The following TAFA1 variants were observed in gnomAD, a reference collection of about 807,000 sequenced individuals.
TAFA1 encodes chemokine-like protein TAFA-1.
TAFA1 carries 4 observed loss-of-function variants against 18.5 expected under a neutral mutation model. That is an observed-to-expected ratio of 0.22 (90% confidence interval 0.11 to 0.49). The LOEUF is 0.49. Ranked by LOEUF, TAFA1 falls within the 20% of genes least tolerant of loss-of-function variation. The probability of loss-of-function intolerance (pLI) is 0.98; values close to 1 mark genes in which losing one functional copy is unlikely to be tolerated. For missense variants in TAFA1, 147 were observed against 169.0 expected (o/e 0.87, Z 0.72); for synonymous variants, 56 against 55.2 (o/e 1.01, Z -0.06).
At chr3:68,428,177 G>C (rs917508705) in intron 3 of TAFA1, among the ~76,000 whole-genome samples, 2 of 151,916 alleles carry the variant, frequency 1.3e-5, no homozygotes, top group African/African-American at 4.8e-5. Flanking sequence ...GTTGAGAGCA[G>C]AGGGAGAGGA....
rs376453387 is a variant in TAFA1, at chr3:68,020,908, G to A, written c.118+14164G>A. Among the ~76,000 whole-genome samples, 31 of 152,012 alleles carry A rather than the reference G, an allele frequency of 2.0e-4. No individual in the cohort carries two copies. The East Asian group carries it at 2.7e-3, about 13-fold the overall frequency. On this transcript the variant is annotated intron_variant, in intron 2 of 4. Coordinates refer to ENST00000478136, the MANE Select transcript of TAFA1 (RefSeq NM_213609.4). The stretch of plus-strand genomic sequence containing the variant: ...TTAAGAAGTTTAGTGGTGTCTGACC[G>A]GGAGCAGTGGCTCACACCTGTAATC...
At chr3:68,280,641 G>A (rs567180455) in intron 2 of TAFA1, among the ~76,000 whole-genome samples, 23 of 152,064 alleles carry the variant, frequency 1.5e-4, no homozygotes, top group Admixed American at 1.5e-3. Context: ...CTTCTGCACA[G>A]TGGGATGATT....
chr3:68,372,830 A>G (rs985773486), intron 2 of TAFA1, among the ~76,000 whole-genome samples: 1 of 152,236 alleles, frequency 6.6e-6, no homozygotes, highest in Non-Finnish European at 1.5e-5. Flanking sequence ...GAAAGCCACT[A>G]AAGAATAGCC....
At chr3:68,503,267 C>G (rs542082321) in intron 3 of TAFA1, among the ~76,000 whole-genome samples, 2 of 152,218 alleles carry the variant, frequency 1.3e-5, no homozygotes, top group African/African-American at 4.8e-5. Context: ...GGATTTAGGT[C>G]CCATCCCCAC....
chr3:68,153,402 G>C (rs1397302436), intron 2 of TAFA1, among the ~76,000 whole-genome samples: 1 of 152,104 alleles, frequency 6.6e-6, no homozygotes, highest in Non-Finnish European at 1.5e-5. Flanking sequence ...AGAGCTCTGA[G>C]GTCATGATTA....
intron 3 of TAFA1, among the ~76,000 whole-genome samples, chr3:68,474,144 G>A (rs532239795): frequency 2.0e-5 from 3 of 150,192 alleles, no homozygotes; most frequent in African/African-American, 7.4e-5. Flanking sequence ...CAGAACTGTT[G>A]TCTAACATCA....
chr3:68,199,288 T>C (rs1459473059), intron 2 of TAFA1, among the ~76,000 whole-genome samples: 3 of 151,572 alleles, frequency 2.0e-5, no homozygotes, highest in Non-Finnish European at 4.4e-5. Context: ...TGAAAGCAGA[T>C]AGTGTCAGTC....
intron 2 of TAFA1, among the ~76,000 whole-genome samples, chr3:68,051,727 G>A (rs1351728975): frequency 6.6e-6 from 1 of 151,998 alleles, no homozygotes; most frequent in African/African-American, 2.4e-5. Flanking sequence ...TGATTTCTCT[G>A]ACTCACAGGC....
At chr3:68,418,310 G>T (rs1398129267) in intron 3 of TAFA1, among the ~76,000 whole-genome samples, 1 of 152,030 alleles carries the variant, frequency 6.6e-6, no homozygotes, top group Admixed American at 6.6e-5. Context: ...TACAGTCAAA[G>T]GGGAGTTGTT....
intron 2 of TAFA1, among the ~76,000 whole-genome samples, chr3:68,212,816 C>T (rs950544566): frequency 1.3e-5 from 2 of 151,888 alleles, no homozygotes; most frequent in African/African-American, 4.8e-5. Context: ...ATTATTCATC[C>T]CTGACCCATG....
chr3:68,244,370 G>T (rs763267517), intron 2 of TAFA1, among the ~76,000 whole-genome samples: 49 of 151,758 alleles, frequency 3.2e-4, no homozygotes, highest in Non-Finnish European at 6.2e-4. Flanking sequence ...TTTTTCTAGA[G>T]ATTTTAGTGT....
At chr3:68,035,991 T>A (rs1172198658) in intron 2 of TAFA1, among the ~76,000 whole-genome samples, 2 of 152,172 alleles carry the variant, frequency 1.3e-5, no homozygotes, top group Admixed American at 6.6e-5. Context: ...ATTAGTGGTG[T>A]CCAGGGGCTA....
intron 2 of TAFA1, among the ~76,000 whole-genome samples, chr3:68,024,834 A>ACACAC (rs33967574): frequency 0.11 from 14,951 of 139,154 alleles, 938 homozygotes; most frequent in South Asian, 0.26. Flanking sequence ...CACACACACA[A>ACACAC]TTATACATTG....
In TAFA1 at chr3:68,188,962, A is replaced by G. The variant is rs977550432; in HGVS notation, c.118+182218A>G. Reference sequence around the variant, plus strand: ...GACTTGTGACCATGCTTGTGTCTTCATAGGTCCAGACTGGTCAGCAGTTTT... The same window carrying G: ...GACTTGTGACCATGCTTGTGTCTTCGTAGGTCCAGACTGGTCAGCAGTTTT... On this transcript the variant is annotated intron_variant, in intron 2 of 4. Coordinates refer to ENST00000478136, the MANE Select transcript of TAFA1 (RefSeq NM_213609.4). Among the ~76,000 whole-genome samples the G allele has an allele frequency of 5.9e-5, 9 of 151,970 alleles. No individual in the cohort carries two copies. The South Asian group carries it at 1.2e-3, about 21-fold the overall frequency.
chr3:68,187,091 C>A (rs2066280523), intron 2 of TAFA1, among the ~76,000 whole-genome samples: 1 of 151,882 alleles, frequency 6.6e-6, no homozygotes, highest in Admixed American at 6.6e-5. Context: ...ATAATGAAAC[C>A]TTGAATTCTG....
intron 2 of TAFA1, among the ~76,000 whole-genome samples, chr3:68,264,783 CA>C (rs2067510919): frequency 6.7e-6 from 1 of 148,768 alleles, no homozygotes; most frequent in South Asian, 2.1e-4. Flanking sequence ...AAACTTTTGA[CA>C]AAAATCTGCT....
intron 2 of TAFA1, among the ~76,000 whole-genome samples, chr3:68,037,837 C>A (rs1221834437): frequency 6.6e-6 from 1 of 152,220 alleles, no homozygotes; most frequent in South Asian, 2.1e-4. Context: ...TTTGGCCAGA[C>A]AGGACAACAG....
At chr3:68,043,140 G>A (rs1705201059) in intron 2 of TAFA1, among the ~76,000 whole-genome samples, 1 of 152,062 alleles carries the variant, frequency 6.6e-6, no homozygotes, top group Admixed American at 6.6e-5. Flanking sequence ...CCAAAGTGCT[G>A]GGAATACAGG....
intron 2 of TAFA1, among the ~76,000 whole-genome samples, chr3:68,083,208 C>T (rs943963803): frequency 6.6e-6 from 1 of 152,108 alleles, no homozygotes; most frequent in East Asian, 1.9e-4. Context: ...TATCCAGAAA[C>T]AAAATACATT....
Sources: allele counts gnomAD v4.1 joint callset (sites outside exome capture counted in the v4.1 genomes callset), GRCh38; gene constraint gnomAD v4.1.1; transcripts MANE v1.5; gene names NCBI Gene and HGNC (gene_info 2026-07-23, HGNC 2026-07-21).